The following RCAN2 variants were observed in gnomAD, a reference collection of about 807,000 sequenced individuals.
RCAN2 encodes calcipressin-2.
RCAN2 carries 9 observed loss-of-function variants against 23.6 expected under a neutral mutation model. The observed-to-expected ratio is 0.38, with a 90% CI of 0.23 to 0.67. The LOEUF is 0.67. RCAN2 is among the 30% of genes least tolerant of loss of function. The pLI is 0.51. For synonymous variants in RCAN2, 109 were observed against 115.7 expected (o/e 0.94, Z 0.37); for missense variants, 273 against 302.3 (o/e 0.90, Z 0.72).
chr6:46,335,739 A>G (rs1349567264), intron 2 of RCAN2, among the ~76,000 whole-genome samples: 1 of 152,104 alleles, frequency 6.6e-6, no homozygotes, highest in Non-Finnish European at 1.5e-5. Context: ...CTATCTATCT[A>G]GTTTTTGGGC....
chr6:46,437,023 C>A (rs1321509316), intron 2 of RCAN2, among the ~76,000 whole-genome samples: 1 of 152,160 alleles, frequency 6.6e-6, no homozygotes, highest in African/African-American at 2.4e-5. Context: ...TAACATTAAA[C>A]AACTGCCTCA....
intron 1 of RCAN2, among the ~76,000 whole-genome samples, chr6:46,479,103 C>T (rs552032630): frequency 6.6e-6 from 1 of 152,280 alleles, no homozygotes; most frequent in Admixed American, 6.5e-5. Flanking sequence ...AAGGAAATAT[C>T]AATGACTTAT....
Position 46,294,890 on chromosome 6 carries a change from A to C in RCAN2, c.226-45994T>G, listed in dbSNP as rs115417652. On this transcript the variant is annotated intron_variant, in intron 2 of 4. Coordinates refer to ENST00000371374, the MANE Select transcript of RCAN2 (RefSeq NM_001251974.2). ...CCACTTTCACATTTTAACATTTTTA[A>C]AAGGAAATATTAATTTATCTGTAAT... is the stretch of plus-strand genomic sequence containing the variant. 5.5e-3 allele frequency among the ~76,000 whole-genome samples: 832 copies of C among 152,314 alleles called. 5 individuals carry two copies. The highest frequency in any genetic ancestry group is 0.018 in the African/African-American group (767 of 41,574).
intron 2 of RCAN2, among the ~76,000 whole-genome samples, chr6:46,251,944 C>A (rs1473117683): frequency 6.6e-6 from 1 of 152,054 alleles, no homozygotes; most frequent in Non-Finnish European, 1.5e-5. Context: ...GCTCAGGCAC[C>A]AGGTTTTTCA....
intron 4 of RCAN2, among the ~76,000 whole-genome samples, chr6:46,225,658 T>G (rs1482192724): frequency 6.6e-6 from 1 of 152,230 alleles, no homozygotes; most frequent in Non-Finnish European, 1.5e-5. Context: ...TAAATTTGTT[T>G]AAGTTCTTTG....
At chr6:46,479,583 C>CTTTTTTTT in intron 1 of RCAN2, among the ~76,000 whole-genome samples, 1 of 89,250 alleles carries the variant, frequency 1.1e-5, no homozygotes, top group Non-Finnish European at 2.1e-5. Context: ...TCTGTCTCAC[C>CTTTTTTTT]TTTTTTTTTT....
At chr6:46,255,395 A>G (rs1766873301) in intron 2 of RCAN2, among the ~76,000 whole-genome samples, 1 of 152,206 alleles carries the variant, frequency 6.6e-6, no homozygotes, top group Admixed American at 6.5e-5. Flanking sequence ...CATTCAACTG[A>G]AAGAATGGGA....
At chr6:46,448,102 A>T (rs1239361449) in intron 2 of RCAN2, among the ~76,000 whole-genome samples, 5 of 151,976 alleles carry the variant, frequency 3.3e-5, no homozygotes, top group Non-Finnish European at 7.4e-5. Flanking sequence ...AGCTAGCTTA[A>T]TAAAAAAATC....
chr6:46,416,173 T>C (rs775440595), intron 2 of RCAN2, among the ~76,000 whole-genome samples: 2 of 152,002 alleles, frequency 1.3e-5, no homozygotes, highest in Non-Finnish European at 2.9e-5. Flanking sequence ...AATAAAGCTG[T>C]TATTTAATAT....
chr6:46,296,066 CGTGTGTGTGTGTGTGTGTGTGTGTGT>C (rs60947209), intron 2 of RCAN2, among the ~76,000 whole-genome samples: 1 of 138,452 alleles, frequency 7.2e-6, no homozygotes, highest in Non-Finnish European at 1.6e-5. Context: ...CCAATAGCTT[CGTGTGTGTGTGTGTGTGTGTGTGTGT>C]GTGTGTGTGT....
At chr6:46,252,378 A>G (rs1185607945) in intron 2 of RCAN2, among the ~76,000 whole-genome samples, 1 of 152,218 alleles carries the variant, frequency 6.6e-6, no homozygotes. Context: ...AACAAATCCA[A>G]TAAATTATTA....
At chr6:46,470,458 G>A (rs966167527) in intron 1 of RCAN2, among the ~76,000 whole-genome samples, 1 of 152,190 alleles carries the variant, frequency 6.6e-6, no homozygotes, top group Non-Finnish European at 1.5e-5. Flanking sequence ...ACCAGGAATG[G>A]GGTGATATTA....
At chr6:46,276,889 G>A (rs1381331404) in intron 2 of RCAN2, among the ~76,000 whole-genome samples, 1 of 152,196 alleles carries the variant, frequency 6.6e-6, no homozygotes, top group East Asian at 1.9e-4. Flanking sequence ...GCTAGACAGG[G>A]CTAGAGGTGA....
chr6:46,484,130 G>C (rs1365627996), intron 1 of RCAN2, among the ~76,000 whole-genome samples: 1 of 152,112 alleles, frequency 6.6e-6, no homozygotes, highest in Non-Finnish European at 1.5e-5. Context: ...AATTAATCTA[G>C]CCTGACTTTC....
rs1430377993 is a variant in RCAN2, at chr6:46,312,577, A to G, written c.226-63681T>C. On this transcript the variant is annotated intron_variant, in intron 2 of 4. Coordinates refer to ENST00000371374, the MANE Select transcript of RCAN2 (RefSeq NM_001251974.2). ...ATTCCTGCTGAACTAAATGTGCCTC[A>G]TGAATATTTTAGGTGTAGTGCCAAC... Among the ~76,000 whole-genome samples, 2 of 152,212 alleles carry G rather than the reference A, an allele frequency of 1.3e-5. 1 individual carries two copies. The highest frequency in any genetic ancestry group is 2.9e-5 in the Non-Finnish European group (2 of 68,046).
At chr6:46,456,300 T>C (rs1214193153) in intron 2 of RCAN2, among the ~76,000 whole-genome samples, 2 of 152,216 alleles carry the variant, frequency 1.3e-5, no homozygotes, top group Non-Finnish European at 1.5e-5. Context: ...CTGTGAGACT[T>C]GGCTCACAGT....
At chr6:46,324,133 T>G (rs1000843211) in intron 2 of RCAN2, among the ~76,000 whole-genome samples, 1 of 152,236 alleles carries the variant, frequency 6.6e-6, no homozygotes, top group Non-Finnish European at 1.5e-5. Flanking sequence ...GGCAGGACTG[T>G]GGGTCTCTGC....
At chr6:46,224,840 C>T (rs938083267) in intron 4 of RCAN2, among the ~76,000 whole-genome samples, 1 of 151,634 alleles carries the variant, frequency 6.6e-6, no homozygotes, top group Non-Finnish European at 1.5e-5. Flanking sequence ...GCACAATGTG[C>T]AGGTTTGTTA....
intron 2 of RCAN2, among the ~76,000 whole-genome samples, chr6:46,456,145 T>C (rs1015085004): frequency 6.6e-6 from 1 of 152,196 alleles, no homozygotes; most frequent in African/African-American, 2.4e-5. Context: ...TGTTAATACA[T>C]AGACAACCTC....
Sources: allele counts gnomAD v4.1 joint callset (sites outside exome capture counted in the v4.1 genomes callset), GRCh38; gene constraint gnomAD v4.1.1; transcripts MANE v1.5; gene names NCBI Gene and HGNC (gene_info 2026-07-23, HGNC 2026-07-21).